The following ITCH variants were observed in gnomAD, a reference collection of about 807,000 sequenced individuals.
ITCH encodes itchy E3 ubiquitin protein ligase, also known as E3 ubiquitin-protein ligase Itchy homolog.
In ITCH, 28 loss-of-function variants were observed where a neutral mutation model predicts 126.8. The ratio of observed to expected loss-of-function variants is 0.22; its 90% confidence interval spans 0.16 to 0.30. ITCH has a LOEUF of 0.30. Among genes scored for constraint, ITCH ranks in the 10% least tolerant of loss-of-function variants. The pLI, the probability that ITCH is intolerant of heterozygous loss-of-function variation, is 1.00. For synonymous variants in ITCH, 342 were observed against 340.0 expected (o/e 1.01, Z -0.06); for missense variants, 631 against 1,032.4 (o/e 0.61, Z 5.33).
At chr20:34,400,546 A>T (rs567781016) in intron 3 of ITCH, among the ~76,000 whole-genome samples, 2 of 152,026 alleles carry the variant, frequency 1.3e-5, no homozygotes, top group South Asian at 4.1e-4. Context: ...CTTAAAAAAA[A>T]TTTATTGCTA....
At chr20:34,439,217 C>A (rs184139953) in intron 8 of ITCH, among the ~76,000 whole-genome samples, 45 of 152,152 alleles carry the variant, frequency 3.0e-4, no homozygotes, top group African/African-American at 1.0e-3. Context: ...TAGAAAAGTA[C>A]ATTAGTTCTC....
At chr20:34,439,856 A>G (rs973458382) in intron 8 of ITCH, among the ~76,000 whole-genome samples, 1 of 152,234 alleles carries the variant, frequency 6.6e-6, no homozygotes, top group African/African-American at 2.4e-5. Context: ...AAGGAATATT[A>G]ATAATTTCCT....
chr20:34,404,829 C>T (rs1486315486), intron 3 of ITCH, among the ~76,000 whole-genome samples: 2 of 152,070 alleles, frequency 1.3e-5, no homozygotes, highest in Non-Finnish European at 1.5e-5. Flanking sequence ...TGGTGCTCCT[C>T]CACCCCCATG....
chr20:34,451,302 A>G (rs969979390), intron 12 of ITCH, among the ~76,000 whole-genome samples: 1 of 152,092 alleles, frequency 6.6e-6, no homozygotes, highest in Non-Finnish European at 1.5e-5. Flanking sequence ...AAAAAAAAAA[A>G]AAAAGAAATT....
At chr20:34,442,816 A>G (rs1381205555) in intron 10 of ITCH, among the ~76,000 whole-genome samples, 1 of 151,032 alleles carries the variant, frequency 6.6e-6, no homozygotes, top group East Asian at 2.0e-4. Flanking sequence ...TACTAAAAAT[A>G]CAAAAAAAAA....
intron 14 of ITCH, among the ~76,000 whole-genome samples, chr20:34,464,509 A>T (rs887775617): frequency 2.0e-5 from 3 of 151,824 alleles, no homozygotes; most frequent in Non-Finnish European, 4.4e-5. Context: ...TATTTTTAGT[A>T]GAAGACAGGG....
At chr20:34,430,291 C>G (rs1181527511) in intron 7 of ITCH, among the ~76,000 whole-genome samples, 1 of 152,070 alleles carries the variant, frequency 6.6e-6, no homozygotes, top group Non-Finnish European at 1.5e-5. Flanking sequence ...AGCCTGAGCT[C>G]GTAACTATCA....
intron 7 of ITCH, among the ~76,000 whole-genome samples, chr20:34,427,662 G>A (rs999881068): frequency 3.9e-5 from 6 of 152,076 alleles, no homozygotes; most frequent in African/African-American, 1.4e-4. Context: ...AATATCTGTA[G>A]ACTGAATACT....
chr20:34,475,390 C>T (rs1304076850), intron 16 of ITCH, among the ~76,000 whole-genome samples: 3 of 152,250 alleles, frequency 2.0e-5, no homozygotes, highest in South Asian at 4.1e-4. Context: ...AACGAGACTC[C>T]GTCTGCAATC....
intron 4 of ITCH, 118 bp downstream of exon 4, chr20:34,408,910 C>CTTTTT: frequency 1.3e-6 from 1 of 772,120 alleles, no homozygotes; most frequent in Non-Finnish European, 1.9e-6. Flanking sequence ...TTTCTCTCTT[C>CTTTTT]TTTTTTTTTT....
rs1355155087 is a variant in ITCH, at chr20:34,477,458, A to G, written c.1570-314A>G. ...GGCAAGAGAATCGCTTGAACCTGGG[A>G]GGTGGAGGTGTGGTAAGCCGAGATT... On this transcript the variant is annotated intron_variant, in intron 16 of 24. Transcript: ENST00000374864. 3.3e-5 allele frequency among the ~76,000 whole-genome samples: 5 copies of G among 152,174 alleles called. No homozygotes were observed. In the South Asian group the frequency reaches 1.0e-3, roughly 32 times the overall value.
At chr20:34,383,134 C>T (rs1170833523) in intron 2 of ITCH, among the ~76,000 whole-genome samples, 6 of 152,006 alleles carry the variant, frequency 3.9e-5, no homozygotes, top group Non-Finnish European at 8.8e-5. Flanking sequence ...CTTGACCTCT[C>T]GGGCTCTGGC....
chr20:34,371,999 T>G (rs2037648987), intron 2 of ITCH, among the ~76,000 whole-genome samples: 1 of 152,098 alleles, frequency 6.6e-6, no homozygotes, highest in South Asian at 2.1e-4. Flanking sequence ...ATGACTGATA[T>G]CAGAAATATC....
intron 4 of ITCH, among the ~76,000 whole-genome samples, chr20:34,410,577 A>C (rs1463201096): frequency 6.6e-6 from 1 of 152,160 alleles, no homozygotes; most frequent in African/African-American, 2.4e-5. Context: ...GAATGACTGC[A>C]CATGTTTGCA....
intron 23 of ITCH, among the ~76,000 whole-genome samples, chr20:34,495,112 A>G (rs1438926278): frequency 6.7e-6 from 1 of 148,424 alleles, no homozygotes; most frequent in Admixed American, 6.7e-5. Context: ...AAAAAAAAAA[A>G]AAATTAGCCA....
At chr20:34,428,608 GGCTCTC>G (rs1279223873) in intron 7 of ITCH, among the ~76,000 whole-genome samples, 3 of 152,120 alleles carry the variant, frequency 2.0e-5, no homozygotes, top group African/African-American at 7.2e-5. Flanking sequence ...TTTAAAGACA[GGCTCTC>G]GCTCTGTTGC....
At position 34,457,374 on chromosome 20, in the gene ITCH, C is replaced by T. The variant is rs376473262; in HGVS notation, c.1211-16C>T. 12 of 1,593,100 alleles carry T rather than the reference C, an allele frequency of 7.5e-6. No individual in the cohort carries two copies. In the East Asian group the frequency reaches 1.8e-4, roughly 24 times the overall value. On this transcript the variant is annotated splice_polypyrimidine_tract_variant and intron_variant, in intron 12 of 24. Coordinates refer to ENST00000374864, the MANE Select transcript of ITCH (RefSeq NM_031483.7). ...TGCTAATGCTTTGCTTTCCCCTGCC[C>T]CTGCCCTTCCCAAAGAGAAGAGAAC... is the stretch of plus-strand genomic sequence containing the variant.
At chr20:34,395,182 G>A (rs1163903694) in intron 3 of ITCH, among the ~76,000 whole-genome samples, 3 of 149,606 alleles carry the variant, frequency 2.0e-5, no homozygotes, top group Admixed American at 6.7e-5. Flanking sequence ...GCAGTGAGCC[G>A]AGATCATGCC....
intron 3 of ITCH, among the ~76,000 whole-genome samples, chr20:34,404,504 C>T (rs2038989574): frequency 6.7e-6 from 1 of 149,728 alleles, no homozygotes; most frequent in Non-Finnish European, 1.5e-5. Flanking sequence ...ACTACAACCT[C>T]TGCCTCCCGG....
Sources: allele counts gnomAD v4.1 joint callset (sites outside exome capture counted in the v4.1 genomes callset), GRCh38; gene constraint gnomAD v4.1.1; transcripts MANE v1.5; gene names NCBI Gene and HGNC (gene_info 2026-07-23, HGNC 2026-07-21).